MYBPC1: variants seen among roughly 807,000 people sequenced by gnomAD.
MYBPC1 encodes myosin-binding protein C, slow-type.
MYBPC1 carries 52 observed loss-of-function variants against 147.1 expected under a neutral mutation model. The observed-to-expected ratio is 0.35, with a 90% confidence interval of 0.28 to 0.45. The LOEUF is 0.45. Ranked by LOEUF, MYBPC1 falls within the 20% of genes least tolerant of loss-of-function variation. MYBPC1 has a pLI of 1.00. For missense variants in MYBPC1, 1,228 were observed against 1,440.3 expected (o/e 0.85, Z 2.39); for synonymous variants, 477 against 475.9 (o/e 1.00, Z -0.03).
chr12:101,679,994 T>C (rs1370893198), intron 28 of MYBPC1, among the ~76,000 whole-genome samples: 1 of 152,236 alleles, frequency 6.6e-6, no homozygotes, highest in African/African-American at 2.4e-5. Context: ...AATTAATACA[T>C]TCATCAGTAC....
downstream of MYBPC1, among the ~76,000 whole-genome samples, chr12:101,687,212 A>G (rs575820773): frequency 2.4e-3 from 364 of 152,004 alleles, 1 homozygote; most frequent in South Asian, 7.1e-3. Context: ...GCCTAATGCT[A>G]TCCCTCCCCG....
rs2303631 is a variant in MYBPC1 at position 101,680,664 on chromosome 12, A to G, written c.3433+135A>G. The G allele has an allele frequency of 0.38, 392,893 of 1,023,984 alleles. 79,490 individuals are homozygous for G. The highest frequency in any genetic ancestry group is 0.58 in the African/African-American group (36,572 of 63,124). 63.4% of individuals were successfully genotyped at this position (1,023,984 alleles called of 1,614,324 possible). A position where few individuals can be genotyped will look rare whatever the true frequency, so the allele number is the denominator to read the frequency against. On this transcript the variant is annotated intron_variant, in intron 29 of 31. Coordinates refer to ENST00000361466, the MANE Select transcript of MYBPC1 (RefSeq NM_002465.4). ...GAGGGTGGGAGAGGGTGGTGAGGGC[A>G]AGGGAAGCAGGGAGGGAATTAAGGG...
In MYBPC1 at chr12:101,670,727, T is replaced by A. The variant is rs577192043; in HGVS notation, c.2613+318T>A. On this transcript the variant is annotated intron_variant, in intron 24 of 31. Coordinates refer to ENST00000361466, the MANE Select transcript of MYBPC1 (RefSeq NM_002465.4). ...AAATGAAGAAATGCTTGAAGACTCT[T>A]TTGGTCCTATACGTTTGTAAAACCC... Among the ~76,000 whole-genome samples the A allele has an allele frequency of 3.9e-5, 6 of 152,304 alleles. No individual in the cohort carries two copies. In the South Asian group the frequency reaches 1.0e-3, roughly 26 times the overall value.
At chr12:101,678,356 T>G in intron 28 of MYBPC1, 118 bp downstream of exon 28, 1 of 1,400,470 alleles carries the variant, frequency 7.1e-7, no homozygotes, top group Non-Finnish European at 1.0e-6. Context: ...GATGGGGGAT[T>G]AGAAGGTGGT....
chr12:101,655,744 A>G (rs1400492220), intron 18 of MYBPC1, among the ~76,000 whole-genome samples: 1 of 152,220 alleles, frequency 6.6e-6, no homozygotes, highest in Admixed American at 6.5e-5. Context: ...AACTTTAGGG[A>G]ATTTGTTGCC....
chr12:101,659,796 G>C lies in MYBPC1; in HGVS notation c.1892G>C (p.Gly631Ala). 1 of 1,614,128 alleles carries C rather than the reference G, an allele frequency of 6.2e-7. No homozygotes were observed. Among genetic ancestry groups the C allele is most frequent in the East Asian group, 2.2e-5 (1 of 44,878 alleles). ...CACATCAATCTGAAAAACGAAGCTG[G>C]AGAGGCACATGCAAGCATCAAGGTT... Reference protein sequence around the residue: ...VYHINLKNEAGEAHASIKVKV... With the variant: ...VYHINLKNEAAEAHASIKVKV... The change falls in exon 19 of 32, where the codon GGA becomes GCA. Residue 631 changes from glycine (G) to alanine (A), a missense_variant. Around this residue, in one of 2 missense-constraint regions of MYBPC1, gnomAD observed 1,077 missense variants for 1,314.2 expected, o/e 0.82. Coordinates refer to ENST00000361466, the MANE Select transcript of MYBPC1 (RefSeq NM_002465.4).
intron 3 of MYBPC1, among the ~76,000 whole-genome samples, chr12:101,622,237 A>G (rs894846168): frequency 1.3e-5 from 2 of 152,218 alleles, no homozygotes; most frequent in African/African-American, 4.8e-5. Context: ...ACTGGACACA[A>G]CCAGAAAGAT....
At chr12:101,629,837 C>T (rs1889509615) in intron 6 of MYBPC1, among the ~76,000 whole-genome samples, 2 of 151,542 alleles carry the variant, frequency 1.3e-5, no homozygotes, top group South Asian at 4.2e-4. Context: ...CGCGCCACTG[C>T]ATTCCAGGTT....
chr12:101,651,361 G>A lies in MYBPC1; in HGVS notation c.1494G>A (p.Glu498=), dbSNP rs756291025. The A allele has an allele frequency of 3.7e-6, 6 of 1,614,150 alleles. No homozygotes were observed. In the Admixed American group the frequency reaches 8.3e-5, roughly 22 times the overall value. The change falls in exon 16 of 32, where the codon GAG becomes GAA. Residue 498 remains glutamate, a synonymous_variant. Coordinates refer to ENST00000361466, the MANE Select transcript of MYBPC1 (RefSeq NM_002465.4). Reference sequence around the variant, plus strand: ...CTAAAAATGGCCTACCTGTTCAGGAGAGTGACCGTCTAAAGGTGGTTCACA... The same window carrying A: ...CTAAAAATGGCCTACCTGTTCAGGAAAGTGACCGTCTAAAGGTGGTTCACA... ...KWTKNGLPVQ[E]SDRLKVVHKG...
rs775275045 is a variant in MYBPC1 at position 101,662,512 on chromosome 12, G to A, written c.2187G>A (p.Lys729=). 5 of 1,614,190 alleles carry A rather than the reference G, an allele frequency of 3.1e-6. No individual in the cohort carries two copies. The South Asian group carries it at 4.4e-5, about 14-fold the overall frequency. Residue 729 remains lysine, a synonymous_variant, in exon 21 of 32, where the codon AAG becomes AAA. Coordinates refer to ENST00000361466, the MANE Select transcript of MYBPC1 (RefSeq NM_002465.4). ...CAGTCAATGCCATTGGCATCTCCAA[G>A]CCCAGTATGCCCTCCAGGCCTTTTG... ...IFAVNAIGIS[K]PSMPSRPFVP...
chr12:101,615,740 A>G (rs1328963539), intron 2 of MYBPC1, among the ~76,000 whole-genome samples: 2 of 134,398 alleles, frequency 1.5e-5, no homozygotes, highest in East Asian at 4.4e-4. Flanking sequence ...TTATGAAGCC[A>G]GCAGGTGACT....
In MYBPC1 at chr12:101,611,766, GGAA is replaced by G. The variant is rs201560477; in HGVS notation, c.26-2723_26-2721del. On this transcript the variant is annotated intron_variant, in intron 1 of 31. Transcript: ENST00000361466. Reference sequence around the variant, plus strand: ...TGTAGTCCAGAATGCAAAAGAATAAGGAAGAAGAACAGAATAGAATAATCAGCT... The same window carrying G: ...TGTAGTCCAGAATGCAAAAGAATAAGGAAGAACAGAATAGAATAATCAGCT... 5.3e-5 allele frequency among the ~76,000 whole-genome samples: 8 copies of G among 152,264 alleles called. No homozygotes were observed. In the East Asian group the frequency reaches 9.6e-4, roughly 18 times the overall value.
At chr12:101,619,201 TCCCTC>T (rs1202279319) in intron 3 of MYBPC1, among the ~76,000 whole-genome samples, 1 of 151,364 alleles carries the variant, frequency 6.6e-6, no homozygotes, top group Non-Finnish European at 1.5e-5. Context: ...TCTCCTGCTC[TCCCTC>T]CCTCCTCCAA....
chr12:101,616,705 T>C (rs1886176461), intron 2 of MYBPC1, among the ~76,000 whole-genome samples: 2 of 152,266 alleles, frequency 1.3e-5, no homozygotes, highest in South Asian at 4.1e-4. Context: ...ATCCAGAAGA[T>C]TCACATGGAC....
chr12:101,687,408 A>G (rs528780487), downstream of MYBPC1, among the ~76,000 whole-genome samples: 8 of 152,046 alleles, frequency 5.3e-5, no homozygotes, highest in Admixed American at 1.3e-4. Flanking sequence ...TGAACTCATC[A>G]TTTTTTATGG....
At chr12:101,619,431 GC>G (rs1280564751) in intron 3 of MYBPC1, among the ~76,000 whole-genome samples, 13 of 152,162 alleles carry the variant, frequency 8.5e-5, no homozygotes, top group Non-Finnish European at 1.9e-4. Context: ...TTTGACATTG[GC>G]CCCCTCATCT....
At chr12:101,608,599 A>G (rs1883132795) in intron 1 of MYBPC1, among the ~76,000 whole-genome samples, 1 of 152,236 alleles carries the variant, frequency 6.6e-6, no homozygotes, top group Non-Finnish European at 1.5e-5. Context: ...CCATTGCAAC[A>G]CAGCTAACCT....
chr12:101,613,305 A>T (rs1884924266), intron 1 of MYBPC1, among the ~76,000 whole-genome samples: 1 of 152,212 alleles, frequency 6.6e-6, no homozygotes, highest in African/African-American at 2.4e-5. Flanking sequence ...CTGTTCAGCC[A>T]AACTGCTTGT....
intron 12 of MYBPC1, 131 bp downstream of exon 12, chr12:101,644,927 C>A: frequency 1.1e-6 from 1 of 909,854 alleles, no homozygotes; most frequent in Non-Finnish European, 1.7e-6. Flanking sequence ...AGAGAGTAAA[C>A]ATTTAAGTCA....
Sources: gnomAD v4.1 joint callset for allele counts (sites outside exome capture counted in the v4.1 genomes callset) on GRCh38, gnomAD v4.1.1 for gene constraint, gnomAD v4.1.1 regional missense constraint, MANE v1.5 for transcripts, NCBI Gene and HGNC (gene_info 2026-07-23, HGNC 2026-07-21) for gene names.